The following SOCS7 variants were observed in gnomAD, a reference collection of about 807,000 sequenced individuals.
SOCS7 encodes suppressor of cytokine signaling 7, also known as NAP-4.
SOCS7 carries 18 observed loss-of-function variants against 58.9 expected under a neutral mutation model. The observed-to-expected ratio is 0.31, with a 90% CI of 0.21 to 0.45. The LOEUF (loss-of-function observed/expected upper bound fraction) is 0.45. Among genes scored for constraint, SOCS7 ranks in the 20% least tolerant of loss-of-function variants. The pLI, the probability that SOCS7 is intolerant of heterozygous loss-of-function variation, is 1.00. For synonymous variants in SOCS7, 388 were observed against 364.3 expected, an observed-to-expected ratio of 1.06 and a Z score of -0.74; for missense variants, 667 against 837.3, an observed-to-expected ratio of 0.80 and a Z score of 2.51.
intron 6 of SOCS7, among the ~76,000 whole-genome samples, chr17:38,370,414 G>A (rs756525234): frequency 2.1e-4 from 32 of 152,044 alleles, no homozygotes; most frequent in Admixed American, 8.5e-4. Flanking sequence ...ATCATGCCTC[G>A]TCGTAGCCTC....
intron 8 of SOCS7, 132 bp from the exon 9 acceptor site, chr17:38,395,716 A>C: frequency 1.0e-6 from 1 of 990,456 alleles, no homozygotes; most frequent in Non-Finnish European, 1.5e-6. Context: ...ACAGAACTAT[A>C]ATAACTGAGA....
At chr17:38,386,930 G>C (rs1183963485) in intron 7 of SOCS7, among the ~76,000 whole-genome samples, 1 of 150,004 alleles carries the variant, frequency 6.7e-6, no homozygotes, top group Admixed American at 6.7e-5. Context: ...CTAAAAAATA[G>C]AAAAAATTAG....
At position 38,400,332 on chromosome 17, in the gene SOCS7, G is replaced by C. The variant is rs183194230; in HGVS notation, c.*850G>C. On this transcript the variant is annotated 3_prime_UTR_variant, in exon 10 of 10. Coordinates refer to ENST00000612932, the MANE Select transcript of SOCS7 (RefSeq NM_014598.4). ...TGGTAACAGCATCCCTATTGCTTCT[G>C]CCAGCTGTCATGGCAATCGTGTTTC... The C allele has an allele frequency of 6.6e-6, 1 of 152,172 alleles. No individual in the cohort carries two copies. The highest frequency in any genetic ancestry group is 1.9e-4 in the East Asian group (1 of 5,200). The allele number at this position is 152,172 out of a possible 1,614,324, so 9.4% of individuals were successfully genotyped here. A position where few individuals can be genotyped will look rare whatever the true frequency, so the allele number is the denominator to read the frequency against.
intron 9 of SOCS7, among the ~76,000 whole-genome samples, chr17:38,398,335 C>T (rs992965071): frequency 3.3e-5 from 5 of 151,326 alleles, no homozygotes; most frequent in Admixed American, 2.0e-4. Flanking sequence ...CTCCATCTCC[C>T]GGGTTCAAGC....
rs1043838213 is a variant in SOCS7, at chr17:38,351,977, C to T, written c.-76C>T. On this transcript the variant is annotated 5_prime_UTR_variant, in exon 1 of 10. Coordinates refer to ENST00000612932, the MANE Select transcript of SOCS7 (RefSeq NM_014598.4). ...CTGTCGCTCCGGGGGCCGCGGCGGG[C>T]GGGGCTCCGGCGGGGCCCGGCCTAG... is the stretch of plus-strand genomic sequence containing the variant. 6.6e-6 allele frequency among the ~76,000 whole-genome samples: 1 copy of T among 151,086 alleles called. No homozygotes were observed. The highest frequency in any genetic ancestry group is 1.5e-5 in the Non-Finnish European group (1 of 67,628).
At chr17:38,390,204 G>C (rs2038152394) in intron 7 of SOCS7, among the ~76,000 whole-genome samples, 2 of 151,902 alleles carry the variant, frequency 1.3e-5, no homozygotes, top group South Asian at 4.2e-4. Flanking sequence ...AATTGTCTTG[G>C]CATCTTTGTT....
intron 7 of SOCS7, among the ~76,000 whole-genome samples, chr17:38,380,078 C>T (rs1487903308): frequency 6.6e-6 from 1 of 152,122 alleles, no homozygotes; most frequent in Non-Finnish European, 1.5e-5. Flanking sequence ...TCTGGAACAT[C>T]ACTCTATTTG....
chr17:38,353,901 G>C (rs957751809), intron 1 of SOCS7, among the ~76,000 whole-genome samples: 10 of 152,322 alleles, frequency 6.6e-5, no homozygotes, highest in African/African-American at 2.4e-4. Context: ...ACTCCAGCTT[G>C]CGTGACAGAG....
At chr17:38,379,018 T>C (rs2037966408) in intron 7 of SOCS7, among the ~76,000 whole-genome samples, 1 of 150,624 alleles carries the variant, frequency 6.6e-6, no homozygotes, top group Non-Finnish European at 1.5e-5. Flanking sequence ...ATTAGCCGGG[T>C]GTGATGCCAG....
At chr17:38,386,981 G>A (rs770495862) in intron 7 of SOCS7, among the ~76,000 whole-genome samples, 2 of 149,376 alleles carry the variant, frequency 1.3e-5, no homozygotes, top group Non-Finnish European at 1.5e-5. Flanking sequence ...AGCTACTCGG[G>A]CAGCTGAGGC....
chr17:38,367,948 G>T lies in SOCS7; in HGVS notation c.1450G>T (p.Gly484Cys). 6.2e-7 allele frequency: 1 copy of T among 1,614,100 alleles called. No individual in the cohort carries two copies. The highest frequency in any genetic ancestry group is 8.5e-7 in the Non-Finnish European group (1 of 1,179,972). Reference sequence around the variant, plus strand: ...GATGAAGCTGAAAGGGAAACCAGATGGTTCTTTCCTGGTACGAGACAGTTC... The same window carrying T: ...GATGAAGCTGAAAGGGAAACCAGATTGTTCTTTCCTGGTACGAGACAGTTC... The part of the protein sequence containing the change: ...AEMKLKGKPD[G>C]SFLVRDSSDP... The change falls in exon 6 of 10, where the codon GGT becomes TGT. Residue 484 changes from glycine (G) to cysteine (C), a missense_variant. Around this residue, in one of 9 missense-constraint regions of SOCS7, gnomAD observed 76 missense variants for 194.5 expected, o/e 0.39. Coordinates refer to ENST00000612932, the MANE Select transcript of SOCS7 (RefSeq NM_014598.4).
chr17:38,379,744 G>A (rs1432230513), intron 7 of SOCS7, among the ~76,000 whole-genome samples: 1 of 152,176 alleles, frequency 6.6e-6, no homozygotes, highest in African/African-American at 2.4e-5. Flanking sequence ...TGTCAACACA[G>A]TTGGGTCTTG....
chr17:38,352,266 C>T lies in SOCS7; in HGVS notation c.214C>T (p.Arg72Trp). Reference protein sequence around the residue: ...PQLMVFRNVGRPPEEEDVEAA... With the variant: ...PQLMVFRNVGWPPEEEDVEAA... ...GCTGATGGTGTTCCGCAACGTGGGT[C>T]GGCCGCCGGAGGAGGAGGACGTGGA... Residue 72 changes from arginine to tryptophan, a missense_variant, in exon 1 of 10, where the codon CGG becomes TGG. Physicochemically the swap from Arg to Trp is moderately radical, Grantham distance 101. This residue lies in a region of SOCS7 where 154 missense variants were observed against 156.3 expected (regional missense o/e 0.98). Transcript: ENST00000612932. This position sits in a 1 kb window ranked among gnomAD's most constrained non-coding sequence, Gnocchi z 5.5. The T allele has an allele frequency of 6.8e-7, 1 of 1,475,680 alleles. No homozygotes were observed. Among genetic ancestry groups the T allele is most frequent in the Admixed American group, 2.4e-5 (1 of 41,078 alleles). The allele number at this position is 1,475,680 out of a possible 1,614,324, so 91.4% of individuals were successfully genotyped here.
intron 6 of SOCS7, among the ~76,000 whole-genome samples, chr17:38,374,277 C>T (rs1046576703): frequency 1.3e-5 from 2 of 151,846 alleles, no homozygotes; most frequent in African/African-American, 4.8e-5. Context: ...GTGGCTCATG[C>T]CTGTAATCCC....
intron 7 of SOCS7, among the ~76,000 whole-genome samples, chr17:38,387,034 A>G (rs972996021): frequency 2.2e-5 from 3 of 138,074 alleles, no homozygotes; most frequent in South Asian, 2.3e-4. Context: ...GCAGTGAGCT[A>G]TCGCGCCACT....
chr17:38,363,460 A>C (rs1347860817), intron 2 of SOCS7, among the ~76,000 whole-genome samples: 1 of 152,162 alleles, frequency 6.6e-6, no homozygotes, highest in East Asian at 1.9e-4. Context: ...CTCAGCCTCC[A>C]GAATAGCTGG....
intron 7 of SOCS7, among the ~76,000 whole-genome samples, chr17:38,391,312 T>C (rs2038171098): frequency 6.6e-6 from 1 of 152,218 alleles, no homozygotes; most frequent in Admixed American, 6.5e-5. Context: ...CCCACTAAGC[T>C]AAACTATTGT....
At chr17:38,354,752 T>G (rs1345737768) in intron 1 of SOCS7, among the ~76,000 whole-genome samples, 1 of 152,194 alleles carries the variant, frequency 6.6e-6, no homozygotes, top group Admixed American at 6.5e-5. Flanking sequence ...TGACATAGGA[T>G]AGATTGCTAA....
chr17:38,389,236 A>G (rs748874960), intron 7 of SOCS7, among the ~76,000 whole-genome samples: 3 of 152,174 alleles, frequency 2.0e-5, no homozygotes, highest in Non-Finnish European at 4.4e-5. Context: ...TGCTCATTTT[A>G]TAATTGAGCT....
Sources: gnomAD v4.1 joint callset for allele counts (sites outside exome capture counted in the v4.1 genomes callset) on GRCh38, gnomAD v4.1.1 for gene constraint, gnomAD v4.1.1 regional missense constraint, Gnocchi (gnomAD v3.1) non-coding constraint, MANE v1.5 for transcripts, NCBI Gene and HGNC (gene_info 2026-07-23, HGNC 2026-07-21) for gene names.